SYK: variants seen among roughly 807,000 people sequenced by gnomAD.
The protein encoded by SYK is spleen associated tyrosine kinase.
In SYK, 16 loss-of-function variants were observed where a neutral mutation model predicts 77.8. The observed-to-expected ratio is 0.21, with a 90% confidence interval of 0.14 to 0.31. The LOEUF (loss-of-function observed/expected upper bound fraction) is 0.31, where lower values mean the gene tolerates loss of function less well. Ranked by LOEUF, SYK falls within the 10% of genes least tolerant of loss-of-function variation. The pLI is 1.00. For missense variants in SYK, 529 were observed against 814.4 expected, an observed-to-expected ratio of 0.65 and a Z score of 4.26; for synonymous variants, 312 against 308.7, an observed-to-expected ratio of 1.01 and a Z score of -0.11.
chr9:90,830,685 A>T (rs1340229201), intron 1 of SYK, among the ~76,000 whole-genome samples: 2 of 146,134 alleles, frequency 1.4e-5, no homozygotes, highest in Non-Finnish European at 3.0e-5. Context: ...TCCCAGGTTC[A>T]TGCCATTCTC....
rs202076504 is a variant in SYK at position 90,897,663 on chromosome 9, C to T, written c.*2063C>T. ...TTGGCCTTTTTATCAGCACTTCTCCCCTCCCAGGAGCCTGGGGATGCCAAA... is the reference window on the plus strand; with the variant it reads ...TTGGCCTTTTTATCAGCACTTCTCCTCTCCCAGGAGCCTGGGGATGCCAAA... On this transcript the variant is annotated 3_prime_UTR_variant, in exon 14 of 14. Coordinates refer to ENST00000375754, the MANE Select transcript of SYK (RefSeq NM_003177.7). The T allele has an allele frequency of 1.3e-5, 3 of 225,476 alleles. No homozygotes were observed. Among genetic ancestry groups the T allele is most frequent in the Non-Finnish European group, 2.6e-5 (3 of 113,228 alleles). The allele number at this position is 225,476 out of a possible 1,614,324, so 14.0% of individuals were successfully genotyped here.
intron 3 of SYK, among the ~76,000 whole-genome samples, chr9:90,851,401 G>C (rs540848700): frequency 2.0e-5 from 3 of 152,212 alleles, no homozygotes; most frequent in Admixed American, 1.3e-4. Flanking sequence ...GAAGAATAAC[G>C]AATATAAACA....
chr9:90,877,550 G>C, intron 9 of SYK, 21 bp from the exon 10 acceptor site: 1 of 1,613,620 alleles, frequency 6.2e-7, no homozygotes, highest in South Asian at 1.1e-5. Flanking sequence ...AGTTTCTTGT[G>C]TGTTATGATT....
chr9:90,802,848 T>C (rs1190685858), intron 1 of SYK, among the ~76,000 whole-genome samples: 1 of 86,738 alleles, frequency 1.2e-5, no homozygotes, highest in Non-Finnish European at 2.5e-5. Context: ...TGTTGTGCCA[T>C]ATCTGATTCT....
chr9:90,855,685 T>TGTGG (rs1554710323), intron 3 of SYK, among the ~76,000 whole-genome samples: 3 of 146,722 alleles, frequency 2.0e-5, no homozygotes, highest in Non-Finnish European at 4.5e-5. Flanking sequence ...TGTGTGTGTG[T>TGTGG]GTGGGTGTGT....
intron 2 of SYK, among the ~76,000 whole-genome samples, chr9:90,844,637 G>T (rs769300837): frequency 2.6e-5 from 4 of 152,156 alleles, no homozygotes; most frequent in Non-Finnish European, 4.4e-5. Flanking sequence ...ATCTGACAAG[G>T]TCCTACCATA....
chr9:90,805,376 G>A (rs947794007), intron 1 of SYK, among the ~76,000 whole-genome samples: 1 of 152,194 alleles, frequency 6.6e-6, no homozygotes, highest in African/African-American at 2.4e-5. Context: ...GAGACAGTGG[G>A]CTTTTAGCCT....
intron 13 of SYK, among the ~76,000 whole-genome samples, chr9:90,889,014 T>A (rs1286998864): frequency 6.6e-6 from 1 of 152,154 alleles, no homozygotes. Context: ...ACTCCCTGAT[T>A]ACCATGAGCA....
intron 3 of SYK, among the ~76,000 whole-genome samples, chr9:90,860,942 C>G (rs1827231886): frequency 6.6e-6 from 1 of 152,086 alleles, no homozygotes; most frequent in African/African-American, 2.4e-5. Context: ...AAGTACAGTG[C>G]ATTTGGGCAC....
At chr9:90,846,353 T>G (rs1826593326) in intron 3 of SYK, among the ~76,000 whole-genome samples, 1 of 152,168 alleles carries the variant, frequency 6.6e-6, no homozygotes, top group Non-Finnish European at 1.5e-5. Flanking sequence ...ATGCTTACCT[T>G]GGAAACATAA....
rs201471258 is a variant in SYK, at chr9:90,896,941, C to T, written c.*1341C>T. 6.1e-5 allele frequency: 12 copies of T among 196,748 alleles called. No homozygotes were observed. The highest frequency in any genetic ancestry group is 1.8e-3 in the Middle Eastern group (1 of 564). 12.2% of individuals were successfully genotyped at this position (196,748 alleles called of 1,614,324 possible). A position where few individuals can be genotyped will look rare whatever the true frequency, so the allele number is the denominator to read the frequency against. ...ACTCGGGAGGCTGAGGCAGGAGAAT[C>T]GCTTGAACCCAGGAAACGGAGGTCG... On this transcript the variant is annotated 3_prime_UTR_variant, in exon 14 of 14. Transcript: ENST00000375754.
chr9:90,886,321 G>A (rs1828574324), intron 11 of SYK, among the ~76,000 whole-genome samples: 1 of 152,160 alleles, frequency 6.6e-6, no homozygotes, highest in Non-Finnish European at 1.5e-5. Context: ...AAAATGCTTT[G>A]CAGATGCAGG....
intron 11 of SYK, among the ~76,000 whole-genome samples, chr9:90,882,486 G>A (rs114100745): frequency 8.5e-5 from 13 of 152,330 alleles, no homozygotes; most frequent in South Asian, 4.1e-4. Flanking sequence ...ACCAGACTCC[G>A]CTGTGTGCCC....
chr9:90,809,052 T>C (rs995252415), intron 1 of SYK, among the ~76,000 whole-genome samples: 1 of 152,184 alleles, frequency 6.6e-6, no homozygotes, highest in Admixed American at 6.5e-5. Context: ...CCACTTCCTT[T>C]TGGTTAACAA....
intron 3 of SYK, among the ~76,000 whole-genome samples, chr9:90,854,309 G>A (rs1373856867): frequency 1.3e-5 from 2 of 152,234 alleles, no homozygotes; most frequent in African/African-American, 2.4e-5. Flanking sequence ...CACCTGGAGA[G>A]CTGGGCTGTG....
At chr9:90,864,695 G>A in intron 5 of SYK, 28 bp downstream of exon 5, 1 of 1,594,064 alleles carries the variant, frequency 6.3e-7, no homozygotes, top group Non-Finnish European at 8.6e-7. Flanking sequence ...TGGAGTCTCA[G>A]TGTTTGAGGT....
intron 6 of SYK, 103 bp from the exon 7 acceptor site, chr9:90,867,028 G>A: frequency 4.0e-6 from 5 of 1,256,938 alleles, no homozygotes; most frequent in Non-Finnish European, 4.6e-6. Context: ...GAGGGGGTTA[G>A]TGGTGCGATT....
At chr9:90,830,581 C>CTT (rs57804863) in intron 1 of SYK, among the ~76,000 whole-genome samples, 257 of 111,524 alleles carry the variant, frequency 2.3e-3, no homozygotes, top group Non-Finnish European at 3.0e-3. Context: ...ACTCATTCCT[C>CTT]TTTTTTTTTT....
chr9:90,874,886 G>A, intron 9 of SYK, 37 bp downstream of exon 9: 2 of 1,610,936 alleles, frequency 1.2e-6, no homozygotes, highest in Non-Finnish European at 1.7e-6. Flanking sequence ...ACCCTCACAT[G>A]AGCTCAGGTT....
Sources: gnomAD v4.1 joint callset for allele counts (sites outside exome capture counted in the v4.1 genomes callset) on GRCh38, gnomAD v4.1.1 for gene constraint, MANE v1.5 for transcripts, NCBI Gene and HGNC (gene_info 2026-07-23, HGNC 2026-07-21) for gene names.